The following LTBP1 variants were observed in gnomAD, a reference collection of about 807,000 sequenced individuals.
LTBP1 encodes the protein latent transforming growth factor beta binding protein 1.
LTBP1 carries 129 observed loss-of-function variants against 207.6 expected under a neutral mutation model. The observed-to-expected ratio is 0.62, with a 90% CI of 0.54 to 0.72. The LOEUF (loss-of-function observed/expected upper bound fraction) is 0.72. Ranked by LOEUF, LTBP1 falls within the 30% of genes least tolerant of loss-of-function variation. LTBP1 has a pLI of 0.00. For synonymous variants in LTBP1, 963 were observed against 833.7 expected (o/e 1.16, Z -2.67); for missense variants, 2,281 against 2,217.2 (o/e 1.03, Z -0.58).
Position 33,303,539 on chromosome 2 carries a change from A to T in LTBP1, c.3481+1895A>T, listed in dbSNP as rs140367070. On this transcript the variant is annotated intron_variant, in intron 22 of 33. Transcript: ENST00000404816. ...TAATTTTTTTGTATTTTTAATAGAG[A>T]CGGGTTTTCACCGTGTTAACCTGGA... Among the ~76,000 whole-genome samples, 398 of 151,660 alleles carry T rather than the reference A, an allele frequency of 2.6e-3. 1 individual carries two copies. Among genetic ancestry groups the T allele is most frequent in the African/African-American group, 9.1e-3 (376 of 41,360 alleles).
chr2:33,397,722 C>T (rs1217147863), intron 33 of LTBP1, among the ~76,000 whole-genome samples: 4 of 147,962 alleles, frequency 2.7e-5, no homozygotes, highest in East Asian at 2.0e-4. Flanking sequence ...CGGGATTTCA[C>T]CGTGTTAGCC....
At chr2:33,176,226 A>ATTTG (rs1553439748) in intron 5 of LTBP1, among the ~76,000 whole-genome samples, 1 of 101,814 alleles carries the variant, frequency 9.8e-6, no homozygotes. Context: ...TAATTAATTA[A>ATTTG]TCTATTTATT....
At chr2:33,359,198 A>G (rs879558387) in intron 26 of LTBP1, among the ~76,000 whole-genome samples, 2 of 152,190 alleles carry the variant, frequency 1.3e-5, no homozygotes, top group African/African-American at 2.4e-5. Context: ...TGGATGAGGG[A>G]TCTTTATATT....
intron 24 of LTBP1, among the ~76,000 whole-genome samples, chr2:33,330,528 T>G (rs2094480816): frequency 6.6e-6 from 1 of 151,758 alleles, no homozygotes. Flanking sequence ...AGAAGTTCCC[T>G]TATATATCTA....
intron 3 of LTBP1, among the ~76,000 whole-genome samples, chr2:33,038,344 G>A (rs574655176): frequency 1.4e-4 from 22 of 152,282 alleles, no homozygotes; most frequent in Non-Finnish European, 2.6e-4. Flanking sequence ...GTTTTAACAC[G>A]AGGGTTTCTG....
chr2:33,126,026 A>C (rs1048167422), intron 4 of LTBP1, among the ~76,000 whole-genome samples: 1 of 152,062 alleles, frequency 6.6e-6, no homozygotes, highest in Non-Finnish European at 1.5e-5. Context: ...GATACTTTCA[A>C]GGTGGTTCAC....
chr2:33,051,360 G>T (rs1238409748), intron 3 of LTBP1, among the ~76,000 whole-genome samples: 1 of 152,030 alleles, frequency 6.6e-6, no homozygotes, highest in Non-Finnish European at 1.5e-5. Flanking sequence ...GAGGCTGCAT[G>T]AGCTGTGATT....
At chr2:33,338,843 A>G (rs2094582683) in intron 24 of LTBP1, among the ~76,000 whole-genome samples, 1 of 152,194 alleles carries the variant, frequency 6.6e-6, no homozygotes. Flanking sequence ...GCCAGAGTGC[A>G]AATTGGGAAG....
rs1177647034 is a variant in LTBP1, at chr2:32,947,470, C to G, written c.146C>G (p.Pro49Arg). Reference sequence around the variant, plus strand: ...GGCGCCTTGCCCCTGAGCGGGCCCCCGCGTTCGCGGACATTCAACGTCGCG... The same window carrying G: ...GGCGCCTTGCCCCTGAGCGGGCCCCGGCGTTCGCGGACATTCAACGTCGCG... The part of the protein sequence containing the change: ...AAGALPLSGP[P>R]RSRTFNVALN... Residue 49 changes from proline to arginine, a missense_variant, in exon 1 of 34, where the codon CCG becomes CGG. Transcript: ENST00000404816. 2 of 1,444,244 alleles carry G rather than the reference C, an allele frequency of 1.4e-6. No individual in the cohort carries two copies. Among genetic ancestry groups the G allele is most frequent in the African/African-American group, 1.5e-5 (1 of 67,406 alleles). 89.5% of individuals were successfully genotyped at this position (1,444,244 alleles called of 1,614,324 possible).
intron 2 of LTBP1, among the ~76,000 whole-genome samples, chr2:32,993,017 G>A (rs926970017): frequency 6.6e-6 from 1 of 152,120 alleles, no homozygotes; most frequent in South Asian, 2.1e-4. Context: ...CAAGAATGGT[G>A]AGTTTGGTAT....
intron 3 of LTBP1, among the ~76,000 whole-genome samples, chr2:33,080,324 A>G (rs776970716): frequency 1.3e-4 from 20 of 152,182 alleles, no homozygotes; most frequent in Non-Finnish European, 2.1e-4. Flanking sequence ...CACCACGCCC[A>G]TCCCAGACCA....
intron 4 of LTBP1, among the ~76,000 whole-genome samples, chr2:33,118,206 A>AC (rs1209250201): frequency 1.3e-5 from 2 of 150,984 alleles, no homozygotes; most frequent in African/African-American, 2.4e-5. Context: ...AAAAAAAACA[A>AC]AAAAAAAACA....
chr2:33,115,037 T>TACACACACAC (rs60544598), intron 4 of LTBP1, among the ~76,000 whole-genome samples: 27 of 145,266 alleles, frequency 1.9e-4, no homozygotes, highest in African/African-American at 4.9e-4. Flanking sequence ...AACAGATATA[T>TACACACACAC]ACACACACAC....
chr2:33,362,354 A>G (rs1008346649), intron 28 of LTBP1, among the ~76,000 whole-genome samples: 9 of 152,176 alleles, frequency 5.9e-5, no homozygotes, highest in Non-Finnish European at 1.0e-4. Context: ...AAATACATCT[A>G]TGATTTGGTC....
intron 3 of LTBP1, among the ~76,000 whole-genome samples, chr2:33,064,584 T>C (rs767121083): frequency 7.9e-5 from 12 of 152,190 alleles, no homozygotes; most frequent in African/African-American, 1.2e-4. Context: ...GCTTAGGAAA[T>C]ACCATTCTTT....
chr2:33,187,093 C>T lies in LTBP1; in HGVS notation c.1426+13C>T. The stretch of plus-strand genomic sequence containing the variant: ...CAAGGAGTCAAAGGTAAGCTTTTTT[C>T]ATTCCGCCCATTTGCCAGACCTCTG... On this transcript the variant is annotated intron_variant, in intron 6 of 33. Coordinates refer to ENST00000404816, the MANE Select transcript of LTBP1 (RefSeq NM_206943.4). 1.2e-6 allele frequency: 2 copies of T among 1,609,864 alleles called. No individual in the cohort carries two copies. The highest frequency in any genetic ancestry group is 1.7e-6 in the Non-Finnish European group (2 of 1,176,780).
intron 5 of LTBP1, among the ~76,000 whole-genome samples, chr2:33,185,108 G>A (rs1012718205): frequency 6.6e-6 from 1 of 152,196 alleles, no homozygotes; most frequent in Non-Finnish European, 1.5e-5. Flanking sequence ...GACTCAGTGT[G>A]GATAAAGCTC....
intron 26 of LTBP1, among the ~76,000 whole-genome samples, chr2:33,360,103 G>A (rs1403475354): frequency 6.6e-6 from 1 of 152,140 alleles, no homozygotes; most frequent in Non-Finnish European, 1.5e-5. Context: ...TAGGCTGCAG[G>A]TTACGACAGT....
intron 26 of LTBP1, among the ~76,000 whole-genome samples, chr2:33,354,728 A>ACACACACACACC (rs751452437): frequency 2.8e-5 from 3 of 106,634 alleles, no homozygotes; most frequent in Admixed American, 9.3e-5. Flanking sequence ...ACACACACAC[A>ACACACACACACC]CCATTGTATC....
Sources: gnomAD v4.1 joint callset for allele counts (sites outside exome capture counted in the v4.1 genomes callset) on GRCh38, gnomAD v4.1.1 for gene constraint, MANE v1.5 for transcripts, NCBI Gene and HGNC (gene_info 2026-07-23, HGNC 2026-07-21) for gene names.